The following PLXNA2 variants were observed in gnomAD, a reference collection of about 807,000 sequenced individuals.
PLXNA2 encodes plexin-A2.
PLXNA2 carries 91 observed loss-of-function variants against 193.5 expected under a neutral mutation model. The observed-to-expected ratio is 0.47, with a 90% CI of 0.40 to 0.56. PLXNA2 has a LOEUF of 0.56. PLXNA2 is among the 20% of genes least tolerant of loss of function. PLXNA2 has a pLI of 0.00. For missense variants in PLXNA2, 1,995 were observed against 2,503.2 expected (o/e 0.80, Z 4.33); for synonymous variants, 997 against 1,027.3 (o/e 0.97, Z 0.56).
chr1:208,058,890 G>A (rs1216957103), intron 13 of PLXNA2, among the ~76,000 whole-genome samples: 1 of 152,224 alleles, frequency 6.6e-6, no homozygotes, highest in African/African-American at 2.4e-5. Flanking sequence ...AGCTTGCTAA[G>A]GTCTTGGGGC....
intron 3 of PLXNA2, among the ~76,000 whole-genome samples, chr1:208,173,434 G>A (rs989927742): frequency 1.3e-5 from 2 of 152,102 alleles, no homozygotes; most frequent in African/African-American, 4.8e-5. Flanking sequence ...TTTAATCCTT[G>A]CAACAAGCCC....
chr1:208,147,955 C>G (rs2102492661), intron 3 of PLXNA2, among the ~76,000 whole-genome samples: 1 of 152,292 alleles, frequency 6.6e-6, no homozygotes, highest in Admixed American at 6.5e-5. Flanking sequence ...TTTATCAGGG[C>G]TGGCTTTGGG....
intron 3 of PLXNA2, among the ~76,000 whole-genome samples, chr1:208,147,773 C>T (rs1875431): frequency 0.43 from 65,584 of 151,984 alleles, 14,474 homozygotes; most frequent in Middle Eastern, 0.53. Flanking sequence ...AACATAGCTG[C>T]CCTTGCTGCT....
intron 3 of PLXNA2, among the ~76,000 whole-genome samples, chr1:208,147,601 C>A (rs1668639053): frequency 6.6e-6 from 1 of 152,222 alleles, no homozygotes; most frequent in African/African-American, 2.4e-5. Context: ...CACTTCCAAG[C>A]ATTCCTGAGG....
At chr1:208,100,226 G>C (rs929002098) in intron 5 of PLXNA2, among the ~76,000 whole-genome samples, 5 of 152,034 alleles carry the variant, frequency 3.3e-5, no homozygotes, top group Non-Finnish European at 7.4e-5. Context: ...AAAATTAGCT[G>C]GGTATGGTGG....
rs1035589124 is a variant in PLXNA2, at chr1:208,176,713, T to C, written c.1371+33567A>G. On this transcript the variant is annotated intron_variant, in intron 3 of 31. Coordinates refer to ENST00000367033, the MANE Select transcript of PLXNA2 (RefSeq NM_025179.4). ...TGAACTAAAAGCTAAAACCTGGCAT[T>C]ATCTTTCAAAATGACACATCTGATT... Among the ~76,000 whole-genome samples, 5 of 152,334 alleles carry C rather than the reference T, an allele frequency of 3.3e-5. No homozygotes were observed. In the South Asian group the frequency reaches 6.2e-4, roughly 19 times the overall value.
At chr1:208,185,961 A>C (rs754816988) in intron 3 of PLXNA2, among the ~76,000 whole-genome samples, 3 of 152,150 alleles carry the variant, frequency 2.0e-5, no homozygotes, top group Non-Finnish European at 2.9e-5. Context: ...CTGGGGCAGC[A>C]GACTAGATGT....
intron 29 of PLXNA2, chr1:208,030,118 C>A (rs1664454107): frequency 1.0e-6 from 1 of 985,460 alleles, no homozygotes; most frequent in African/African-American, 1.7e-5. Context: ...TTCTGCCTAT[C>A]TTCCAAAACA....
chr1:208,092,374 T>C (rs149542482), intron 9 of PLXNA2, among the ~76,000 whole-genome samples: 1 of 152,218 alleles, frequency 6.6e-6, no homozygotes, highest in African/African-American at 2.4e-5. Context: ...GAAGTTGGCA[T>C]GAAAGAATGG....
intron 4 of PLXNA2, among the ~76,000 whole-genome samples, chr1:208,134,961 C>G (rs1668259912): frequency 1.3e-5 from 2 of 152,158 alleles, no homozygotes. Context: ...CACAATAGCA[C>G]CTCTGAAAAG....
chr1:208,195,656 G>A (rs541756791), intron 3 of PLXNA2, among the ~76,000 whole-genome samples: 1 of 151,726 alleles, frequency 6.6e-6, no homozygotes, highest in Non-Finnish European at 1.5e-5. Flanking sequence ...TTTTTTGGGG[G>A]GGGGGGTTAG....
At chr1:208,155,004 T>C (rs1414163776) in intron 3 of PLXNA2, among the ~76,000 whole-genome samples, 2 of 151,994 alleles carry the variant, frequency 1.3e-5, no homozygotes, top group Admixed American at 6.6e-5. Flanking sequence ...AGGAGGAAAA[T>C]TGGGCTGGGA....
At chr1:208,133,624 T>A (rs1320963266) in intron 4 of PLXNA2, among the ~76,000 whole-genome samples, 1 of 152,254 alleles carries the variant, frequency 6.6e-6, no homozygotes, top group Non-Finnish European at 1.5e-5. Flanking sequence ...AATATGCAAA[T>A]CTTTCCCTAT....
In PLXNA2 at chr1:208,045,116, G is replaced by A; in HGVS notation, c.3590C>T (p.Thr1197Ile). The change falls in exon 19 of 32, where the codon ACC becomes ATC. Residue 1197 changes from threonine (T) to isoleucine (I), a missense_variant. Physicochemically the swap from Thr to Ile is moderately conservative, Grantham distance 89. Coordinates refer to ENST00000367033, the MANE Select transcript of PLXNA2 (RefSeq NM_025179.4). Reference protein sequence around the residue: ...ETPCAVTVSETQLLCEPPNLT... With the variant: ...ETPCAVTVSEIQLLCEPPNLT... ...GTTGGGAGGCTCGCAGAGAAGCTGG[G>A]TCTCAGATACGGTGACAGCACAAGG... 1.9e-6 allele frequency: 3 copies of A among 1,614,162 alleles called. No homozygotes were observed. The highest frequency in any genetic ancestry group is 2.5e-6 in the Non-Finnish European group (3 of 1,180,028).
At chr1:208,030,521 C>T in intron 29 of PLXNA2, 1 of 985,420 alleles carries the variant, frequency 1.0e-6, no homozygotes, top group Admixed American at 6.1e-5. Flanking sequence ...CAGGGCCACC[C>T]CAGCCTGTTC....
intron 3 of PLXNA2, among the ~76,000 whole-genome samples, chr1:208,209,114 A>ATG (rs1440650545): frequency 6.6e-6 from 1 of 152,172 alleles, no homozygotes; most frequent in Admixed American, 6.5e-5. Context: ...GAAGAGGAAC[A>ATG]TGTAGGAACC....
intron 1 of PLXNA2, among the ~76,000 whole-genome samples, chr1:208,218,802 C>A (rs1671228902): frequency 6.6e-6 from 1 of 152,232 alleles, no homozygotes; most frequent in South Asian, 2.1e-4. Context: ...GGTGGACGCC[C>A]AGCTGCTGCC....
intron 3 of PLXNA2, among the ~76,000 whole-genome samples, chr1:208,203,953 A>C (rs1281011810): frequency 1.3e-5 from 2 of 152,226 alleles, no homozygotes; most frequent in South Asian, 4.1e-4. Context: ...CTAAGCTGCT[A>C]CTGCAAGAAG....
At position 208,042,285 on chromosome 1, in the gene PLXNA2, T is replaced by C. The variant is rs761024286; in HGVS notation, c.4099A>G (p.Thr1367Ala). Residue 1367 changes from threonine to alanine, a missense_variant, in exon 22 of 32, where the codon ACC becomes GCC. Transcript: ENST00000367033. The part of the protein sequence containing the change: ...QLINNKVFLL[T>A]FIRTLELQRS... ...TGCAGCTCCAGGGTGCGGATGAAGG[T>C]CAGCAGGAACACCTTGTTGTTGATG... The C allele has an allele frequency of 6.2e-7, 1 of 1,614,148 alleles. No individual in the cohort carries two copies. The highest frequency in any genetic ancestry group is 8.5e-7 in the Non-Finnish European group (1 of 1,180,008).
Sources: allele counts gnomAD v4.1 joint callset (sites outside exome capture counted in the v4.1 genomes callset), GRCh38; gene constraint gnomAD v4.1.1; transcripts MANE v1.5; gene names NCBI Gene and HGNC (gene_info 2026-07-23, HGNC 2026-07-21).